The following PTPRD variants were observed in gnomAD, a reference collection of about 807,000 sequenced individuals.
PTPRD encodes receptor-type tyrosine-protein phosphatase delta.
In PTPRD, 34 loss-of-function variants were observed where a neutral mutation model predicts 214.5. That is an observed-to-expected ratio of 0.16 (90% CI 0.12 to 0.21). PTPRD has a LOEUF of 0.21. Ranked by LOEUF, PTPRD falls within the 10% of genes least tolerant of loss-of-function variation. PTPRD has a pLI of 1.00. For synonymous variants in PTPRD, 1,128 were observed against 845.7 expected, an observed-to-expected ratio of 1.33 and a Z score of -5.79; for missense variants, 2,545 against 2,398.7, an observed-to-expected ratio of 1.06 and a Z score of -1.27.
intron 4 of PTPRD, among the ~76,000 whole-genome samples, chr9:9,943,284 G>C (rs1397586250): frequency 6.6e-6 from 1 of 152,124 alleles, no homozygotes; most frequent in Non-Finnish European, 1.5e-5. Context: ...CTGCAGTGGA[G>C]GTTTATTCTA....
At chr9:9,253,514 T>A (rs540654923) in intron 9 of PTPRD, among the ~76,000 whole-genome samples, 8 of 146,150 alleles carry the variant, frequency 5.5e-5, no homozygotes, top group African/African-American at 1.7e-4. Context: ...AAAAAAAAAA[T>A]ATGTATACAC....
chr9:9,587,244 TAA>T (rs2092138695), intron 7 of PTPRD, among the ~76,000 whole-genome samples: 1 of 151,928 alleles, frequency 6.6e-6, no homozygotes, highest in South Asian at 2.1e-4. Context: ...TACTAATATA[TAA>T]GAGATAATAG....
At chr9:10,340,066 A>C (rs372045100) in intron 3 of PTPRD, among the ~76,000 whole-genome samples, 1 of 151,758 alleles carries the variant, frequency 6.6e-6, no homozygotes, top group South Asian at 2.1e-4. Context: ...CTCCACATAA[A>C]TACATCTCAT....
At chr9:10,159,951 A>G (rs891841532) in intron 3 of PTPRD, among the ~76,000 whole-genome samples, 1 of 152,126 alleles carries the variant, frequency 6.6e-6, no homozygotes, top group Non-Finnish European at 1.5e-5. Context: ...CTTCATTCAC[A>G]AAAACAATAA....
Position 8,669,827 on chromosome 9 carries a change from A to C in PTPRD, c.65-32983T>G, listed in dbSNP as rs76861509. Among the ~76,000 whole-genome samples the C allele has an allele frequency of 2.6e-3, 394 of 152,274 alleles. 2 individuals carry two copies. The highest frequency in any genetic ancestry group is 2.8e-3 in the Non-Finnish European group (191 of 68,012). ...AACGTGGAGGTTATGAATAATGTAG[A>C]GCCTGTGAAGGTTTGAAGCTAGAGA... On this transcript the variant is annotated intron_variant, in intron 12 of 45. Coordinates refer to ENST00000381196, the MANE Select transcript of PTPRD (RefSeq NM_002839.4).
chr9:8,873,052 G>C (rs550284037), intron 11 of PTPRD, among the ~76,000 whole-genome samples: 12 of 152,328 alleles, frequency 7.9e-5, no homozygotes, highest in Non-Finnish European at 1.8e-4. Flanking sequence ...ATTGGTCACT[G>C]TGTACAGTGT....
chr9:9,712,215 A>G (rs1349808254), intron 7 of PTPRD, among the ~76,000 whole-genome samples: 1 of 152,222 alleles, frequency 6.6e-6, no homozygotes, highest in African/African-American at 2.4e-5. Flanking sequence ...AACATTAAAA[A>G]GTAGCCATCT....
At chr9:9,548,515 C>A (rs370142373) in intron 8 of PTPRD, among the ~76,000 whole-genome samples, 1 of 147,996 alleles carries the variant, frequency 6.8e-6, no homozygotes, top group African/African-American at 2.5e-5. Context: ...TCAAGTGATT[C>A]TCCTGCTTCA....
chr9:8,472,811 C>T (rs747891726), intron 30 of PTPRD, among the ~76,000 whole-genome samples: 11 of 152,130 alleles, frequency 7.2e-5, no homozygotes, highest in East Asian at 5.8e-4. Flanking sequence ...ATTTGCTGGA[C>T]GGCACTGCTC....
At chr9:9,193,718 C>T (rs2099936617) in intron 9 of PTPRD, among the ~76,000 whole-genome samples, 2 of 152,182 alleles carry the variant, frequency 1.3e-5, no homozygotes, top group South Asian at 4.1e-4. Context: ...GTGTAGGGCA[C>T]TTACCATGAA....
intron 8 of PTPRD, among the ~76,000 whole-genome samples, chr9:9,476,476 T>C (rs1284730698): frequency 6.6e-6 from 1 of 152,168 alleles, no homozygotes; most frequent in Admixed American, 6.5e-5. Context: ...TAATCAAGGG[T>C]AGGAAATACT....
At chr9:9,656,971 C>G (rs1030908119) in intron 7 of PTPRD, among the ~76,000 whole-genome samples, 1 of 151,872 alleles carries the variant, frequency 6.6e-6, no homozygotes, top group Non-Finnish European at 1.5e-5. Context: ...TACAAAAAAA[C>G]TAAATGAGAA....
At chr9:9,777,467 G>C (rs1319690404) in intron 5 of PTPRD, among the ~76,000 whole-genome samples, 1 of 152,102 alleles carries the variant, frequency 6.6e-6, no homozygotes, top group Non-Finnish European at 1.5e-5. Flanking sequence ...GGCCGAGGTA[G>C]GTGGATCACT....
chr9:8,791,432 G>T (rs926832406), intron 11 of PTPRD, among the ~76,000 whole-genome samples: 1 of 151,540 alleles, frequency 6.6e-6, no homozygotes, highest in Non-Finnish European at 1.5e-5. Context: ...CACCATGTTG[G>T]TCAGGCTGGT....
chr9:8,912,829 C>T (rs986147314), intron 11 of PTPRD, among the ~76,000 whole-genome samples: 4 of 152,016 alleles, frequency 2.6e-5, no homozygotes, highest in African/African-American at 9.7e-5. Flanking sequence ...GGTAAAGTTG[C>T]CACAGCTAAA....
At chr9:8,367,134 C>T (rs1038476898) in intron 39 of PTPRD, among the ~76,000 whole-genome samples, 1 of 152,084 alleles carries the variant, frequency 6.6e-6, no homozygotes, top group Non-Finnish European at 1.5e-5. Flanking sequence ...AGTAATGAGC[C>T]TAGTTCTCTG....
intron 14 of PTPRD, among the ~76,000 whole-genome samples, chr9:8,544,164 CTTTTTTT>C (rs373194856): frequency 9.0e-6 from 1 of 111,126 alleles, no homozygotes; most frequent in East Asian, 2.6e-4. Flanking sequence ...TTTGCCATTA[CTTTTTTT>C]TTTTTTTTTT....
intron 11 of PTPRD, among the ~76,000 whole-genome samples, chr9:8,993,719 T>C (rs2154349672): frequency 6.6e-6 from 1 of 152,282 alleles, no homozygotes; most frequent in South Asian, 2.1e-4. Context: ...ATTGCTTTGC[T>C]TTATTCATGC....
At chr9:10,446,963 G>T (rs1332158748) in intron 2 of PTPRD, among the ~76,000 whole-genome samples, 5 of 152,144 alleles carry the variant, frequency 3.3e-5, no homozygotes, top group African/African-American at 1.2e-4. Context: ...TAAGTGCAAA[G>T]GGTATTTAGT....
Sources: allele counts gnomAD v4.1 joint callset (sites outside exome capture counted in the v4.1 genomes callset), GRCh38; gene constraint gnomAD v4.1.1; transcripts MANE v1.5; gene names NCBI Gene and HGNC (gene_info 2026-07-23, HGNC 2026-07-21).